Variants in ZNF804B observed in about 807,000 individuals in gnomAD.
ZNF804B encodes the protein zinc finger 804B.
In ZNF804B, 80 loss-of-function variants were observed where a neutral mutation model predicts 101.4. The observed-to-expected ratio is 0.79, with a 90% CI of 0.66 to 0.95. The LOEUF (loss-of-function observed/expected upper bound fraction) is 0.95. ZNF804B is among the 40% of genes least tolerant of loss of function. The pLI is 0.00. For missense variants in ZNF804B, 1,673 were observed against 1,561.9 expected (o/e 1.07, Z -1.20); for synonymous variants, 622 against 558.8 (o/e 1.11, Z -1.59).
At chr7:88,765,128 A>G (rs1221694249) in intron 1 of ZNF804B, among the ~76,000 whole-genome samples, 1 of 152,120 alleles carries the variant, frequency 6.6e-6, no homozygotes, top group Non-Finnish European at 1.5e-5. Flanking sequence ...GAAGACTTAA[A>G]TAGGTATTTG....
At chr7:88,868,920 T>G (rs1005103303) in intron 1 of ZNF804B, among the ~76,000 whole-genome samples, 10 of 152,230 alleles carry the variant, frequency 6.6e-5, no homozygotes, top group Admixed American at 4.6e-4. Context: ...ATATCACAAG[T>G]GCAGCCTGTT....
At chr7:88,913,875 G>A (rs1218482301) in intron 1 of ZNF804B, among the ~76,000 whole-genome samples, 1 of 152,210 alleles carries the variant, frequency 6.6e-6, no homozygotes, top group Non-Finnish European at 1.5e-5. Flanking sequence ...TTTTGTGAAT[G>A]CCTGAGGATT....
chr7:89,092,642 A>C (rs1789911702), intron 1 of ZNF804B, among the ~76,000 whole-genome samples: 1 of 151,852 alleles, frequency 6.6e-6, no homozygotes, highest in Non-Finnish European at 1.5e-5. Context: ...CGAAATCCTG[A>C]CCTTGTGATC....
chr7:89,317,657 A>G (rs918792836), intron 2 of ZNF804B, among the ~76,000 whole-genome samples: 1 of 152,222 alleles, frequency 6.6e-6, no homozygotes, highest in Non-Finnish European at 1.5e-5. Context: ...GAGTTCTGCA[A>G]GGTCACCACT....
chr7:89,207,404 T>C (rs925753244), intron 1 of ZNF804B, among the ~76,000 whole-genome samples: 1 of 152,134 alleles, frequency 6.6e-6, no homozygotes, highest in Non-Finnish European at 1.5e-5. Context: ...AACTCCCTTT[T>C]ATAAAACCAT....
chr7:89,226,424 T>C (rs1056006974), intron 2 of ZNF804B, among the ~76,000 whole-genome samples: 1 of 152,098 alleles, frequency 6.6e-6, no homozygotes, highest in Non-Finnish European at 1.5e-5. Flanking sequence ...CTTAATGTTT[T>C]GGGTCTACTA....
chr7:89,320,153 A>G (rs1352980171), intron 2 of ZNF804B, among the ~76,000 whole-genome samples: 1 of 152,118 alleles, frequency 6.6e-6, no homozygotes, highest in Non-Finnish European at 1.5e-5. Flanking sequence ...TCTATGTAAC[A>G]AAACTACACA....
rs984273852 is a variant in ZNF804B at position 88,759,901 on chromosome 7, G to A, written c.-76G>A. The A allele has an allele frequency of 9.2e-6, 12 of 1,302,748 alleles. No individual in the cohort carries two copies. The highest frequency in any genetic ancestry group is 1.5e-5 in the African/African-American group (1 of 68,758). The allele number at this position is 1,302,748 out of a possible 1,614,324, so 80.7% of individuals were successfully genotyped here. On this transcript the variant is annotated 5_prime_UTR_variant, in exon 1 of 4. Transcript: ENST00000333190. ...TCGGGAGGTGGTAGTCGCTGTTGCC[G>A]CTGAGAAACCCGCCCGCTTTCCACG...
In ZNF804B at chr7:88,885,536, A is replaced by G. The variant is rs140852517; in HGVS notation, c.108+125452A>G. Among the ~76,000 whole-genome samples, 361 of 151,242 alleles carry G rather than the reference A, an allele frequency of 2.4e-3. 1 individual carries two copies. Among genetic ancestry groups the G allele is most frequent in the Admixed American group, 4.1e-3 (62 of 15,054 alleles). Reference sequence around the variant, plus strand: ...TTTATGTTTTCCCCTTGAATAGTCTATTTTTCCTAAGTTTGGACCATATTA... The same window carrying G: ...TTTATGTTTTCCCCTTGAATAGTCTGTTTTTCCTAAGTTTGGACCATATTA... On this transcript the variant is annotated intron_variant, in intron 1 of 3. Transcript: ENST00000333190.
chr7:89,017,063 G>A (rs1032833504), intron 1 of ZNF804B, among the ~76,000 whole-genome samples: 8 of 152,258 alleles, frequency 5.3e-5, no homozygotes, highest in African/African-American at 1.9e-4. Context: ...TCCCTTGTAA[G>A]TTAGATTCCT....
intron 1 of ZNF804B, among the ~76,000 whole-genome samples, chr7:89,110,045 T>C (rs1479372658): frequency 2.0e-5 from 3 of 152,130 alleles, no homozygotes; most frequent in African/African-American, 7.2e-5. Context: ...CAGTTTGTTA[T>C]GGCAGCAGAT....
intron 1 of ZNF804B, among the ~76,000 whole-genome samples, chr7:89,004,817 A>T (rs999622615): frequency 6.6e-6 from 1 of 151,974 alleles, no homozygotes; most frequent in Non-Finnish European, 1.5e-5. Context: ...AAAAATGTGT[A>T]TCAGTGGGGC....
At chr7:89,038,987 TA>T (rs1562867704) in intron 1 of ZNF804B, among the ~76,000 whole-genome samples, 1 of 152,098 alleles carries the variant, frequency 6.6e-6, no homozygotes, top group African/African-American at 2.4e-5. Flanking sequence ...GACTTATTTT[TA>T]GGCTCTTTAT....
chr7:88,903,826 C>T (rs1032992468), intron 1 of ZNF804B, among the ~76,000 whole-genome samples: 1 of 151,926 alleles, frequency 6.6e-6, no homozygotes, highest in Non-Finnish European at 1.5e-5. Flanking sequence ...TTGCTTTAAG[C>T]TCCTTATGGA....
chr7:89,080,076 G>T (rs974374363), intron 1 of ZNF804B, among the ~76,000 whole-genome samples: 1 of 151,764 alleles, frequency 6.6e-6, no homozygotes, highest in African/African-American at 2.4e-5. Context: ...GTGAAGGTAG[G>T]CTAGTCCTGA....
At position 89,322,106 on chromosome 7, in the gene ZNF804B, AT is replaced by A. The variant is rs374172393; in HGVS notation, c.250-5237del. 3.5e-3 allele frequency among the ~76,000 whole-genome samples: 537 copies of A among 152,324 alleles called. 3 individuals carry two copies. The highest frequency in any genetic ancestry group is 0.012 in the African/African-American group (514 of 41,576). On this transcript the variant is annotated intron_variant, in intron 2 of 3. Transcript: ENST00000333190. ...AAGGGAACTATGGACCAATCACAAA[AT>A]GTAAGTGCAGAATTTTATATCTTTT...
At chr7:89,327,811 A>G (rs1015703760) in intron 3 of ZNF804B, among the ~76,000 whole-genome samples, 2 of 148,890 alleles carry the variant, frequency 1.3e-5, no homozygotes, top group Non-Finnish European at 1.5e-5. Flanking sequence ...ATAATTAACA[A>G]TATATCTTAG....
At chr7:89,034,789 T>C (rs1788899520) in intron 1 of ZNF804B, among the ~76,000 whole-genome samples, 1 of 152,150 alleles carries the variant, frequency 6.6e-6, no homozygotes, top group Non-Finnish European at 1.5e-5. Context: ...CTGGGTCAAA[T>C]GGTATTTCTG....
chr7:88,964,197 G>A (rs1793426053), intron 1 of ZNF804B, among the ~76,000 whole-genome samples: 1 of 151,284 alleles, frequency 6.6e-6, no homozygotes, highest in African/African-American at 2.4e-5. Flanking sequence ...CAAAATAACT[G>A]AAAGCAAGAA....
Sources: gnomAD v4.1 joint callset for allele counts (sites outside exome capture counted in the v4.1 genomes callset) on GRCh38, gnomAD v4.1.1 for gene constraint, MANE v1.5 for transcripts, NCBI Gene and HGNC (gene_info 2026-07-23, HGNC 2026-07-21) for gene names.